SPPL2B: variants seen among roughly 807,000 people sequenced by gnomAD.
The protein encoded by SPPL2B is signal peptide peptidase-like 2B.
SPPL2B carries 39 observed loss-of-function variants against 59.7 expected under a neutral mutation model. That is an observed-to-expected ratio of 0.65 (90% CI 0.51 to 0.85). SPPL2B has a LOEUF of 0.85. SPPL2B is among the 40% of genes least tolerant of loss of function. The pLI is 0.00. For missense variants in SPPL2B, 865 were observed against 849.0 expected, an observed-to-expected ratio of 1.02 and a Z score of -0.23; for synonymous variants, 419 against 370.8, an observed-to-expected ratio of 1.13 and a Z score of -1.49.
At chr19:2,331,920 C>T (rs147970022) in intron 1 of SPPL2B, among the ~76,000 whole-genome samples, 26 of 152,336 alleles carry the variant, frequency 1.7e-4, no homozygotes, top group African/African-American at 4.6e-4. Flanking sequence ...GAAGGTGGGC[C>T]GGACTGTGGA....
At chr19:2,344,308 C>T in intron 10 of SPPL2B, 54 bp from the exon 11 acceptor site, 1 of 592,764 alleles carries the variant, frequency 1.7e-6, no homozygotes, top group Non-Finnish European at 3.0e-6. Context: ...CACCCCACTC[C>T]CCTGCCCCCC....
At chr19:2,348,126 C>G (rs1459548816) in intron 13 of SPPL2B, among the ~76,000 whole-genome samples, 2 of 113,124 alleles carry the variant, frequency 1.8e-5, no homozygotes, top group African/African-American at 7.4e-5. Flanking sequence ...TCTCTCCACA[C>G]ACACTCACGC....
chr19:2,338,754 C>T lies in SPPL2B; in HGVS notation c.372C>T (p.Val124=), dbSNP rs373935067. The T allele has an allele frequency of 1.2e-6, 2 of 1,607,608 alleles. No homozygotes were observed. Among genetic ancestry groups the T allele is most frequent in the Non-Finnish European group, 1.7e-6 (2 of 1,174,818 alleles). The change falls in exon 4 of 15, where the codon GTC becomes GTT. Residue 124 remains valine, a splice_region_variant and synonymous_variant. Coordinates refer to ENST00000613503, the MANE Select transcript of SPPL2B (RefSeq NM_152988.3). ...CGCTCCCTCCTCTGGGCCCCCAGGTCCCCCCGGGGGGTAATAAGACGCAGT... is the reference window on the plus strand; with the variant it reads ...CGCTCCCTCCTCTGGGCCCCCAGGTTCCCCCGGGGGGTAATAAGACGCAGT... ...GLLIVSRERL[V]PPGGNKTQYD...
intron 13 of SPPL2B, among the ~76,000 whole-genome samples, chr19:2,348,872 C>T (rs1487766462): frequency 6.8e-6 from 1 of 146,206 alleles, no homozygotes; most frequent in Non-Finnish European, 1.5e-5. Flanking sequence ...CTGTCATTCG[C>T]TTGATTCCAT....
At chr19:2,351,856 A>G (rs770743100) in intron 14 of SPPL2B, among the ~76,000 whole-genome samples, 56 of 81,892 alleles carry the variant, frequency 6.8e-4, no homozygotes, top group African/African-American at 1.7e-3. Context: ...GGTGGGGCCC[A>G]GGGGTGCCGG....
chr19:2,340,448 C>T (rs1968961524), intron 7 of SPPL2B: 1 of 630,472 alleles, frequency 1.6e-6, no homozygotes, highest in Non-Finnish European at 2.9e-6. Context: ...CCCTGGGTTC[C>T]CCAGGGTTCT....
At chr19:2,337,124 C>T (rs545220078) in intron 2 of SPPL2B, 7 of 272,862 alleles carry the variant, frequency 2.6e-5, no homozygotes, top group East Asian at 1.5e-4. Context: ...GATGCCTGGC[C>T]GTGGTGGGGC....
chr19:2,346,737 A>G (rs1969389871), intron 13 of SPPL2B, among the ~76,000 whole-genome samples: 1 of 152,198 alleles, frequency 6.6e-6, no homozygotes, highest in Non-Finnish European at 1.5e-5. Flanking sequence ...CTGAAACATA[A>G]CTTGTCAAGT....
intron 8 of SPPL2B, 109 bp downstream of exon 8, chr19:2,341,123 C>T (rs1276848811): frequency 1.3e-6 from 1 of 794,100 alleles, no homozygotes; most frequent in East Asian, 2.6e-5. Context: ...CAGCCTGGAG[C>T]TGCTTCAGCA....
intron 6 of SPPL2B, 21 bp from the exon 7 acceptor site, chr19:2,340,055 C>G: frequency 6.3e-7 from 1 of 1,580,560 alleles, no homozygotes; most frequent in Non-Finnish European, 8.6e-7. Context: ...GGCCCCCGGC[C>G]TCACGGCCCT....
chr19:2,329,243 C>T (rs1036910386), intron 1 of SPPL2B, among the ~76,000 whole-genome samples: 5 of 152,238 alleles, frequency 3.3e-5, no homozygotes, highest in African/African-American at 1.2e-4. Context: ...CGCGCGTCCC[C>T]CAGTAACTGG....
At chr19:2,344,273 G>T in intron 10 of SPPL2B, 89 bp from the exon 11 acceptor site, 1 of 300,210 alleles carries the variant, frequency 3.3e-6, no homozygotes, top group Non-Finnish European at 5.2e-6. Context: ...CCCCCCCATC[G>T]CATCACCCTG....
intron 13 of SPPL2B, among the ~76,000 whole-genome samples, chr19:2,350,359 A>G (rs1293645045): frequency 7.7e-6 from 1 of 129,286 alleles, no homozygotes; most frequent in Non-Finnish European, 1.6e-5. Flanking sequence ...CATTCGCTTG[A>G]TTCCGTTCTC....
In SPPL2B at chr19:2,339,148, T is replaced by G; in HGVS notation, c.539T>G (p.Ile180Ser). Residue 180 changes from isoleucine (I) to serine (S), a missense_variant, in exon 5 of 15, where the codon ATC (isoleucine) becomes AGC (serine). Transcript: ENST00000613503. ...VLDYNMVIIF[I>S]MAVGTVAIGG... is the part of the protein sequence containing the mutation. ...GACTACAACATGGTCATCATCTTCA[T>G]CATGGCTGTGGGCACCGTCGCCATC... The G allele has an allele frequency of 6.3e-7, 1 of 1,599,626 alleles. No individual in the cohort carries two copies. The highest frequency in any genetic ancestry group is 8.5e-7 in the Non-Finnish European group (1 of 1,173,258).
rs1568439147 is a variant in SPPL2B, at chr19:2,340,889, G to A, written c.840-9G>A. 3.8e-6 allele frequency: 6 copies of A among 1,564,310 alleles called. No individual in the cohort carries two copies. The highest frequency in any genetic ancestry group is 5.2e-6 in the Non-Finnish European group (6 of 1,154,638). ...GTGGGCTTGGCTCTGACTGCCCCGT[G>A]CCCCCCAGGATCCCCAACAACAGCC... On this transcript the variant is annotated splice_polypyrimidine_tract_variant and intron_variant, in intron 7 of 14. Coordinates refer to ENST00000613503, the MANE Select transcript of SPPL2B (RefSeq NM_152988.3).
At chr19:2,341,247 C>T (rs762302830) in intron 8 of SPPL2B, 15 of 673,928 alleles carry the variant, frequency 2.2e-5, no homozygotes, top group Middle Eastern at 2.4e-4. Flanking sequence ...GAGGAGAGGC[C>T]GGAGCCCCTG....
chr19:2,332,210 C>T lies in SPPL2B; in HGVS notation c.67-2392C>T, dbSNP rs182119805. On this transcript the variant is annotated intron_variant, in intron 1 of 14. Coordinates refer to ENST00000613503, the MANE Select transcript of SPPL2B (RefSeq NM_152988.3). The surrounding 1 kb of genome is among the most constrained non-coding windows in gnomAD (Gnocchi z 4.6). ...GAGACCCCCAGTCGATTGTGGGGAC[C>T]GGGGCTCCGTGGGCTTTCACCATGC... 1.5e-3 allele frequency among the ~76,000 whole-genome samples: 230 copies of T among 152,316 alleles called. No homozygotes were observed. Among genetic ancestry groups the T allele is most frequent in the Non-Finnish European group, 2.5e-3 (170 of 68,022 alleles).
At chr19:2,345,125 G>T in intron 12 of SPPL2B, 128 bp from the exon 13 acceptor site, 1 of 681,514 alleles carries the variant, frequency 1.5e-6, no homozygotes, top group South Asian at 1.7e-5. Context: ...TCTGTGAAAT[G>T]ACAGCAGCCA....
intron 2 of SPPL2B, 114 bp from the exon 3 acceptor site, chr19:2,337,329 T>G: frequency 1.9e-6 from 2 of 1,050,374 alleles, no homozygotes; most frequent in Admixed American, 2.5e-5. Flanking sequence ...CGTGCGGGGC[T>G]TTAGGTGAGG....
Sources: gnomAD v4.1 joint callset for allele counts (sites outside exome capture counted in the v4.1 genomes callset) on GRCh38, gnomAD v4.1.1 for gene constraint, Gnocchi (gnomAD v3.1) non-coding constraint, MANE v1.5 for transcripts, NCBI Gene and HGNC (gene_info 2026-07-23, HGNC 2026-07-21) for gene names.